EBF3: variants seen among roughly 807,000 people sequenced by gnomAD.
EBF3 encodes transcription factor COE3.
Under a neutral mutation model 77.1 loss-of-function variants are expected in EBF3, and 18 were observed. The ratio of observed to expected loss-of-function variants is 0.23; its 90% CI spans 0.16 to 0.35. EBF3 has a LOEUF of 0.35. Among genes scored for constraint, EBF3 ranks in the 10% least tolerant of loss-of-function variants. The pLI, the probability that EBF3 is intolerant of heterozygous loss-of-function variation, is 1.00. For missense variants in EBF3, 558 were observed against 860.0 expected, an observed-to-expected ratio of 0.65 and a Z score of 4.39; for synonymous variants, 350 against 343.5, an observed-to-expected ratio of 1.02 and a Z score of -0.21.
chr10:129,860,249 C>T (rs1851524384), intron 10 of EBF3, among the ~76,000 whole-genome samples: 2 of 151,984 alleles, frequency 1.3e-5, no homozygotes, highest in South Asian at 4.2e-4. Flanking sequence ...ACCCCCGACT[C>T]TCCTCCCTGC....
intron 6 of EBF3, among the ~76,000 whole-genome samples, chr10:129,922,076 T>C (rs561543208): frequency 2.0e-4 from 30 of 152,326 alleles, no homozygotes; most frequent in East Asian, 1.3e-3. Context: ...CCTGAATCCA[T>C]TGGGAGGCCT....
At chr10:129,873,036 A>G (rs1008570195) in intron 8 of EBF3, among the ~76,000 whole-genome samples, 4 of 152,044 alleles carry the variant, frequency 2.6e-5, no homozygotes, top group African/African-American at 9.7e-5. Flanking sequence ...CACGCACTCC[A>G]GCCAGGGACA....
intron 6 of EBF3, among the ~76,000 whole-genome samples, chr10:129,896,573 G>A (rs1395985510): frequency 2.0e-5 from 3 of 152,216 alleles, no homozygotes; most frequent in Non-Finnish European, 2.9e-5. Flanking sequence ...CAGCGAGTGG[G>A]GGGCTGGAGT....
rs149272477 is a variant in EBF3 at position 129,871,657 on chromosome 10, A to G, written c.781+1795T>C. 1.4e-4 allele frequency among the ~76,000 whole-genome samples: 21 copies of G among 152,130 alleles called. No homozygotes were observed. The South Asian group carries it at 1.5e-3, about 11-fold the overall frequency. On this transcript the variant is annotated intron_variant, in intron 8 of 16. Coordinates refer to ENST00000440978, the MANE Select transcript of EBF3 (RefSeq NM_001375380.1). ...CTTAAAAGGAACTTCCTAAGTGTCAACTCTCTCAGGAAGTGACAGAAGCAT... is the reference window on the plus strand; with the variant it reads ...CTTAAAAGGAACTTCCTAAGTGTCAGCTCTCTCAGGAAGTGACAGAAGCAT...
chr10:129,962,508 T>C (rs1859604436), intron 3 of EBF3, among the ~76,000 whole-genome samples: 1 of 151,880 alleles, frequency 6.6e-6, no homozygotes, highest in African/African-American at 2.4e-5. Flanking sequence ...GGTGGGCCCA[T>C]GTGGTCGTTT....
chr10:129,953,475 C>T (rs1173653545), intron 6 of EBF3, among the ~76,000 whole-genome samples: 1 of 151,650 alleles, frequency 6.6e-6, no homozygotes, highest in Non-Finnish European at 1.5e-5. Context: ...TGTCTGGCTT[C>T]CAGACAGGAA....
chr10:129,896,433 G>A (rs1027404602), intron 6 of EBF3, among the ~76,000 whole-genome samples: 1 of 152,198 alleles, frequency 6.6e-6, no homozygotes, highest in Non-Finnish European at 1.5e-5. Context: ...CGCGGCCACC[G>A]TCAGCCACCC....
intron 6 of EBF3, 28 bp downstream of exon 6, chr10:129,957,230 T>C (rs1859106451): frequency 1.3e-6 from 2 of 1,575,772 alleles, no homozygotes; most frequent in Non-Finnish European, 1.7e-6. Flanking sequence ...TGCGGTTTTG[T>C]TTTGAAAAAT....
chr10:129,957,369 C>G, intron 5 of EBF3, 43 bp from the exon 6 acceptor site: 1 of 1,498,194 alleles, frequency 6.7e-7, no homozygotes, highest in Non-Finnish European at 9.0e-7. Flanking sequence ...TGCATTTCCC[C>G]CTTTTATGCC....
At chr10:129,924,430 C>CAAAAAAAA (rs956215243) in intron 6 of EBF3, among the ~76,000 whole-genome samples, 8 of 108,430 alleles carry the variant, frequency 7.4e-5, no homozygotes, top group East Asian at 2.8e-4. Context: ...ACAACAACAA[C>CAAAAAAAA]AAAAAAAAAA....
rs921203172 is a variant in EBF3 at position 129,944,484 on chromosome 10, A to G, written c.554+12774T>C. Among the ~76,000 whole-genome samples, 6 of 152,356 alleles carry G rather than the reference A, an allele frequency of 3.9e-5. No homozygotes were observed. The highest frequency in any genetic ancestry group is 6.5e-5 in the Admixed American group (1 of 15,310). ...CATAAGGTAAATCAAGACCTGGAAC[A>G]TAAGTCAGATGAATTAATATAGGCG... On this transcript the variant is annotated intron_variant, in intron 6 of 16. Transcript: ENST00000440978. The surrounding 1 kb of genome is among the most constrained non-coding windows in gnomAD (Gnocchi z 5.1).
At chr10:129,850,495 G>A (rs996072042) in intron 10 of EBF3, among the ~76,000 whole-genome samples, 13 of 152,154 alleles carry the variant, frequency 8.5e-5, no homozygotes, top group Admixed American at 5.9e-4. Context: ...GAATAAGCGC[G>A]GCACTCCATT....
At chr10:129,931,137 A>G (rs921933280) in intron 6 of EBF3, among the ~76,000 whole-genome samples, 6 of 152,182 alleles carry the variant, frequency 3.9e-5, no homozygotes, top group Admixed American at 2.0e-4. Context: ...GTATCTGTCT[A>G]TATCTATCTC....
intron 7 of EBF3, among the ~76,000 whole-genome samples, chr10:129,874,637 G>T (rs71476182): frequency 0.17 from 25,349 of 152,148 alleles, 2,800 homozygotes; most frequent in African/African-American, 0.3. Flanking sequence ...CTGAAGGAAG[G>T]GTGGCTCTCT....
chr10:129,846,975 G>GC (rs200731551), intron 11 of EBF3, among the ~76,000 whole-genome samples: 4,379 of 152,162 alleles, frequency 0.029, 137 homozygotes, highest in Admixed American at 0.097. Flanking sequence ...TCCCATCCAG[G>GC]CCCCCAGCCG....
chr10:129,910,471 C>T (rs1855451413), intron 6 of EBF3, among the ~76,000 whole-genome samples: 2 of 152,182 alleles, frequency 1.3e-5, no homozygotes, highest in African/African-American at 2.4e-5. Context: ...AGTAACTACA[C>T]TGATGATCCT....
At position 129,943,563 on chromosome 10, in the gene EBF3, G is replaced by C. The variant is rs1206838494; in HGVS notation, c.554+13695C>G. On this transcript the variant is annotated intron_variant, in intron 6 of 16. Transcript: ENST00000440978. This position sits in a 1 kb window ranked among gnomAD's most constrained non-coding sequence, Gnocchi z 8.8. ...CAGCGCACTTGGATGCTAGGGATGA[G>C]CCTCAAGTGGTTGCCAGGAGTCGCC... 6.6e-6 allele frequency among the ~76,000 whole-genome samples: 1 copy of C among 152,214 alleles called. No homozygotes were observed. The highest frequency in any genetic ancestry group is 1.5e-5 in the Non-Finnish European group (1 of 68,038).
At chr10:129,962,850 T>C in intron 3 of EBF3, 92 bp downstream of exon 3, 2 of 1,462,472 alleles carry the variant, frequency 1.4e-6, no homozygotes, top group South Asian at 1.2e-5. Flanking sequence ...TACATCCATG[T>C]CATTTTAATC....
chr10:129,873,423 A>G (rs751909123), intron 8 of EBF3, 29 bp downstream of exon 8: 47 of 1,485,236 alleles, frequency 3.2e-5, no homozygotes, highest in Non-Finnish European at 4.5e-6. Flanking sequence ...AGCATCGCAA[A>G]TAAAAAAAGA....
Sources: gnomAD v4.1 joint callset for allele counts (sites outside exome capture counted in the v4.1 genomes callset) on GRCh38, gnomAD v4.1.1 for gene constraint, Gnocchi (gnomAD v3.1) non-coding constraint, MANE v1.5 for transcripts, NCBI Gene and HGNC (gene_info 2026-07-23, HGNC 2026-07-21) for gene names.